Variants in MED27 observed in about 807,000 individuals in gnomAD.
MED27 encodes the protein mediator of RNA polymerase II transcription subunit 27.
A neutral mutation model predicts 38.2 loss-of-function variants in MED27; 30 were observed. The ratio of observed to expected loss-of-function variants is 0.79; its 90% CI spans 0.59 to 1.07. MED27 has a LOEUF of 1.07. Among genes scored for constraint, MED27 ranks in the 50% least tolerant of loss-of-function variants. MED27 has a pLI of 0.00. For missense variants in MED27, 289 were observed against 397.5 expected, an observed-to-expected ratio of 0.73 and a Z score of 2.32; for synonymous variants, 122 against 153.5, an observed-to-expected ratio of 0.79 and a Z score of 1.52.
chr9:131,966,825 T>A (rs1039839502), intron 3 of MED27, among the ~76,000 whole-genome samples: 1 of 152,148 alleles, frequency 6.6e-6, no homozygotes, highest in Admixed American at 6.5e-5. Context: ...AAATACCTAA[T>A]AATATCAACC....
chr9:131,932,828 G>C (rs1421088835), intron 4 of MED27, among the ~76,000 whole-genome samples: 3 of 151,970 alleles, frequency 2.0e-5, no homozygotes, highest in African/African-American at 7.2e-5. Flanking sequence ...GAAAACTATA[G>C]GCCAATATTT....
intron 6 of MED27, among the ~76,000 whole-genome samples, chr9:131,879,702 T>C (rs1356977047): frequency 6.6e-6 from 1 of 152,190 alleles, no homozygotes; most frequent in African/African-American, 2.4e-5. Context: ...CTTTTCTGGA[T>C]GATGCTGGGA....
chr9:131,879,863 G>A (rs1292264678), intron 6 of MED27, among the ~76,000 whole-genome samples: 1 of 152,262 alleles, frequency 6.6e-6, no homozygotes, highest in East Asian at 1.9e-4. Flanking sequence ...GGGTGGACAG[G>A]AGGAAAATAG....
intron 4 of MED27, among the ~76,000 whole-genome samples, chr9:131,932,936 T>C (rs1011869318): frequency 6.6e-6 from 1 of 152,176 alleles, no homozygotes; most frequent in Non-Finnish European, 1.5e-5. Flanking sequence ...GTGGGATTTA[T>C]TCCAGGGATG....
intron 2 of MED27, among the ~76,000 whole-genome samples, chr9:132,056,037 C>T (rs1329776569): frequency 6.6e-6 from 1 of 152,222 alleles, no homozygotes; most frequent in African/African-American, 2.4e-5. Flanking sequence ...TGGCATCAGA[C>T]AGGGCCTGTG....
At chr9:131,890,918 T>C (rs1172815830) in intron 5 of MED27, among the ~76,000 whole-genome samples, 2 of 152,206 alleles carry the variant, frequency 1.3e-5, no homozygotes, top group Non-Finnish European at 2.9e-5. Context: ...TATGTTAGTA[T>C]TGTTAGTATT....
chr9:131,932,249 A>T (rs1230186128), intron 4 of MED27, among the ~76,000 whole-genome samples: 2 of 152,174 alleles, frequency 1.3e-5, no homozygotes, highest in Non-Finnish European at 2.9e-5. Context: ...AACACACGGA[A>T]ATTAAACAAT....
chr9:131,951,205 G>C (rs1398399689), intron 3 of MED27, among the ~76,000 whole-genome samples: 1 of 152,244 alleles, frequency 6.6e-6, no homozygotes, highest in African/African-American at 2.4e-5. Context: ...ACCTTCAGTA[G>C]AGAAGCCTTC....
chr9:131,974,396 C>G (rs1831558858), intron 3 of MED27, among the ~76,000 whole-genome samples: 1 of 152,162 alleles, frequency 6.6e-6, no homozygotes, highest in Admixed American at 6.5e-5. Flanking sequence ...GTCAGACTGA[C>G]CAGCAACCTC....
chr9:131,875,862 G>A (rs147436592), intron 6 of MED27, among the ~76,000 whole-genome samples: 6 of 152,216 alleles, frequency 3.9e-5, no homozygotes, highest in African/African-American at 1.2e-4. Context: ...CCTCTGCCTC[G>A]GCCTCCCAGA....
chr9:131,908,408 G>A (rs1830119795), intron 4 of MED27, among the ~76,000 whole-genome samples: 3 of 152,290 alleles, frequency 2.0e-5, no homozygotes, highest in Admixed American at 2.0e-4. Context: ...GGGCCAGCAT[G>A]ACAATGGCGG....
intron 3 of MED27, among the ~76,000 whole-genome samples, chr9:131,970,618 AACAGC>A (rs1249087468): frequency 6.6e-6 from 1 of 152,256 alleles, no homozygotes; most frequent in Non-Finnish European, 1.5e-5. Flanking sequence ...GCTTTGAAAA[AACAGC>A]ACAAATCAGG....
intron 3 of MED27, among the ~76,000 whole-genome samples, chr9:131,957,456 A>G (rs952562668): frequency 6.6e-6 from 1 of 152,052 alleles, no homozygotes; most frequent in Non-Finnish European, 1.5e-5. Context: ...AGGTCTCTCT[A>G]TGTTGCCCAG....
chr9:131,907,013 C>T (rs1014888141), intron 4 of MED27, among the ~76,000 whole-genome samples: 4 of 152,166 alleles, frequency 2.6e-5, no homozygotes. Flanking sequence ...TTTTCAAATG[C>T]TAATGCATTA....
intron 3 of MED27, among the ~76,000 whole-genome samples, chr9:131,970,676 T>C (rs1011326944): frequency 2.6e-5 from 4 of 152,030 alleles, no homozygotes; most frequent in African/African-American, 4.8e-5. Flanking sequence ...AAGAAGAACA[T>C]GCGAAATGAG....
intron 4 of MED27, among the ~76,000 whole-genome samples, chr9:131,907,724 G>C (rs1830095842): frequency 6.6e-6 from 1 of 150,850 alleles, no homozygotes; most frequent in South Asian, 2.1e-4. Flanking sequence ...GCCCAGTCTG[G>C]AAAGTGAGGA....
At chr9:132,027,027 C>G (rs546584224) in intron 2 of MED27, among the ~76,000 whole-genome samples, 1 of 152,316 alleles carries the variant, frequency 6.6e-6, no homozygotes, top group African/African-American at 2.4e-5. Context: ...CAGGACTTAG[C>G]AGGCTCTCAA....
intron 5 of MED27, among the ~76,000 whole-genome samples, chr9:131,887,394 T>G (rs1490865650): frequency 6.6e-6 from 1 of 152,068 alleles, no homozygotes; most frequent in Non-Finnish European, 1.5e-5. Context: ...GATAATACGG[T>G]CTATTTACCT....
At chr9:132,011,312 T>G (rs1832482231) in intron 3 of MED27, among the ~76,000 whole-genome samples, 1 of 152,232 alleles carries the variant, frequency 6.6e-6, no homozygotes, top group Non-Finnish European at 1.5e-5. Flanking sequence ...CATCCTAATC[T>G]TAATAACTTT....
Sources: gnomAD v4.1 joint callset for allele counts (sites outside exome capture counted in the v4.1 genomes callset) on GRCh38, gnomAD v4.1.1 for gene constraint, MANE v1.5 for transcripts, NCBI Gene and HGNC (gene_info 2026-07-23, HGNC 2026-07-21) for gene names.